MTMR7: variants seen among roughly 807,000 people sequenced by gnomAD.
MTMR7 encodes the protein phosphatidylinositol-3-phosphate phosphatase MTMR7.
Under a neutral mutation model 81.2 loss-of-function variants are expected in MTMR7, and 76 were observed. The ratio of observed to expected loss-of-function variants is 0.94; its 90% CI spans 0.78 to 1.13. The LOEUF is 1.13. Ranked by LOEUF, MTMR7 falls within the 50% of genes most tolerant of loss-of-function variation. MTMR7 has a pLI of 0.00. For missense variants in MTMR7, 1,044 were observed against 820.0 expected, an observed-to-expected ratio of 1.27 and a Z score of -3.34; for synonymous variants, 372 against 289.8, an observed-to-expected ratio of 1.28 and a Z score of -2.88.
intron 4 of MTMR7, among the ~76,000 whole-genome samples, chr8:17,350,043 A>G (rs1020797487): frequency 6.6e-6 from 1 of 152,174 alleles, no homozygotes. Context: ...TCCAAAACAA[A>G]TGTTAGTGGT....
chr8:17,413,210 C>T (rs2073693), intron 1 of MTMR7, 59 bp downstream of exon 1: 67,060 of 1,500,640 alleles, frequency 0.045, 3,271 homozygotes, highest in East Asian at 0.32. Flanking sequence ...GCTCAGCATC[C>T]CTCCTCCTCC....
intron 1 of MTMR7, among the ~76,000 whole-genome samples, chr8:17,412,692 A>G (rs567237938): frequency 6.6e-6 from 1 of 152,334 alleles, no homozygotes; most frequent in Admixed American, 6.5e-5. Flanking sequence ...GGAAAAGGCA[A>G]GAACACACCA....
At chr8:17,401,459 A>G (rs2106023) in intron 1 of MTMR7, among the ~76,000 whole-genome samples, 66,096 of 151,746 alleles carry the variant, frequency 0.44, 15,339 homozygotes, top group Admixed American at 0.59. Context: ...AGGGGCAGAT[A>G]AGGTATAGAA....
chr8:17,348,930 C>G lies in MTMR7; in HGVS notation c.597+23G>C, dbSNP rs371591708. The stretch of plus-strand genomic sequence containing the variant: ...TAAACTAGAAAAGCAAAGTGTAAAA[C>G]AAAAACACGCCTCGAGACTTACGTG... On this transcript the variant is annotated intron_variant, in intron 5 of 13. Coordinates refer to ENST00000180173, the MANE Select transcript of MTMR7 (RefSeq NM_004686.5). 5.0e-6 allele frequency: 8 copies of G among 1,613,070 alleles called. No homozygotes were observed. The African/African-American group carries it at 1.1e-4, about 22-fold the overall frequency.
chr8:17,345,348 C>A (rs1418859266), intron 5 of MTMR7, among the ~76,000 whole-genome samples: 8 of 152,208 alleles, frequency 5.3e-5, no homozygotes, highest in African/African-American at 1.9e-4. Flanking sequence ...TGGAATGATG[C>A]ACGCAAGCTA....
intron 1 of MTMR7, among the ~76,000 whole-genome samples, chr8:17,400,497 G>A: frequency 6.6e-6 from 1 of 152,190 alleles, no homozygotes; most frequent in Non-Finnish European, 1.5e-5. Context: ...GCCTTACAAT[G>A]CTATCTCCAG....
intron 7 of MTMR7, among the ~76,000 whole-genome samples, chr8:17,314,359 T>A (rs1341910207): frequency 1.3e-5 from 2 of 152,138 alleles, no homozygotes; most frequent in Non-Finnish European, 2.9e-5. Flanking sequence ...CCCAACTCCA[T>A]GGGCAATGAG....
At chr8:17,323,277 A>G (rs77618004) in intron 7 of MTMR7, among the ~76,000 whole-genome samples, 2,728 of 152,154 alleles carry the variant, frequency 0.018, 30 homozygotes, top group African/African-American at 0.028. Flanking sequence ...TTAAGGAGTA[A>G]TGGGCTCAGA....
intron 1 of MTMR7, among the ~76,000 whole-genome samples, chr8:17,375,934 C>A (rs989032993): frequency 2.0e-5 from 3 of 152,122 alleles, no homozygotes; most frequent in South Asian, 2.1e-4. Context: ...ATACGGTTCA[C>A]CCATTTAAAT....
intron 1 of MTMR7, among the ~76,000 whole-genome samples, chr8:17,391,500 C>T (rs1251484294): frequency 7.2e-5 from 11 of 152,096 alleles, no homozygotes; most frequent in Non-Finnish European, 1.6e-4. Context: ...CTAAAACTGG[C>T]ATAGAGAAAG....
chr8:17,371,144 C>A lies in MTMR7; in HGVS notation c.203G>T (p.Cys68Phe). The A allele has an allele frequency of 6.2e-7, 1 of 1,614,194 alleles. No individual in the cohort carries two copies. The highest frequency in any genetic ancestry group is 8.5e-7 in the Non-Finnish European group (1 of 1,180,030). The change falls in exon 3 of 14, where the codon TGC becomes TTC. Residue 68 changes from cysteine (C) to phenylalanine (F), a missense_variant. By Grantham distance (205) the Cys-to-Phe change is radical. Coordinates refer to ENST00000180173, the MANE Select transcript of MTMR7 (RefSeq NM_004686.5). ...GTTCTTGCAGCGAATCAGCAGAGGGCATCCGGTAGCGGTTGTTGCCTGTTT... is the reference window on the plus strand; with the variant it reads ...GTTCTTGCAGCGAATCAGCAGAGGGAATCCGGTAGCGGTTGTTGCCTGTTT... ...IEKQATTATG[C>F]PLLIRCKNFQ...
At chr8:17,337,343 G>T (rs1342642336) in intron 6 of MTMR7, among the ~76,000 whole-genome samples, 4 of 149,026 alleles carry the variant, frequency 2.7e-5, no homozygotes, top group African/African-American at 9.9e-5. Context: ...CCAGCCTGGG[G>T]GCGAGTAAAA....
chr8:17,309,256 A>G (rs1548353), intron 10 of MTMR7, 21 bp downstream of exon 10: 786,701 of 1,413,558 alleles, frequency 0.56, 225,789 homozygotes, highest in African/African-American at 0.65. Context: ...AACATTCAAA[A>G]CAGTCTTAAA....
At chr8:17,386,990 C>T (rs1274825021) in intron 1 of MTMR7, among the ~76,000 whole-genome samples, 5 of 152,164 alleles carry the variant, frequency 3.3e-5, no homozygotes, top group Admixed American at 6.5e-5. Context: ...ACACCCTGAT[C>T]ATGTCACTCT....
At position 17,373,113 on chromosome 8, in the gene MTMR7, C is replaced by T; in HGVS notation, c.147+5G>A. On this transcript the variant is annotated splice_donor_5th_base_variant and intron_variant, in intron 2 of 13. Transcript: ENST00000180173. The stretch of plus-strand genomic sequence containing the variant: ...CAAGGAAAGCTAAAAATAAAGAAAG[C>T]ATACCCATGTTTCTTTTCTTGGGTC... 3.7e-6 allele frequency: 6 copies of T among 1,612,420 alleles called. No individual in the cohort carries two copies. Among genetic ancestry groups the T allele is most frequent in the Non-Finnish European group, 5.1e-6 (6 of 1,179,458 alleles).
At chr8:17,355,885 C>G (rs957994691) in intron 4 of MTMR7, among the ~76,000 whole-genome samples, 3 of 152,192 alleles carry the variant, frequency 2.0e-5, no homozygotes, top group African/African-American at 7.2e-5. Context: ...AGATCCAATT[C>G]ATACCAATCA....
chr8:17,383,095 A>C (rs1820813350), intron 1 of MTMR7, among the ~76,000 whole-genome samples: 1 of 151,882 alleles, frequency 6.6e-6, no homozygotes, highest in African/African-American at 2.4e-5. Context: ...GGGGGTGTGG[A>C]AGGTCCCAGG....
At chr8:17,360,988 G>A (rs999353499) in intron 4 of MTMR7, 129 bp downstream of exon 4, 15 of 1,038,938 alleles carry the variant, frequency 1.4e-5, no homozygotes, top group South Asian at 6.3e-5. Flanking sequence ...AACCAAGAGA[G>A]ACCTGGAAAT....
At position 17,361,238 on chromosome 8, in the gene MTMR7, G is replaced by T. The variant is rs368481299; in HGVS notation, c.347C>A (p.Pro116His). ...YEELYCFSFN[P>H]MLDKEEREQG... ...CTCTCTTTCTTCTTTATCCAGCATG[G>T]GGTTGAATGAAAAGCAGTATAACTC... Residue 116 changes from proline (P) to histidine (H), a missense_variant, in exon 4 of 14, where the codon CCC (proline) becomes CAC (histidine). Pro to His is a moderately conservative substitution (Grantham distance 77). Coordinates refer to ENST00000180173, the MANE Select transcript of MTMR7 (RefSeq NM_004686.5). 6.2e-7 allele frequency: 1 copy of T among 1,613,938 alleles called. No homozygotes were observed. The highest frequency in any genetic ancestry group is 1.3e-5 in the African/African-American group (1 of 74,876).
Sources: allele counts gnomAD v4.1 joint callset (sites outside exome capture counted in the v4.1 genomes callset), GRCh38; gene constraint gnomAD v4.1.1; transcripts MANE v1.5; gene names NCBI Gene and HGNC (gene_info 2026-07-23, HGNC 2026-07-21).